Variants in GALNT13 observed in about 807,000 individuals in gnomAD.
The protein encoded by GALNT13 is UDP-GalNAc:polypeptide N-acetylgalactosaminyltransferase 13.
GALNT13 carries 28 observed loss-of-function variants against 64.2 expected under a neutral mutation model. The observed-to-expected ratio is 0.44, with a 90% CI of 0.32 to 0.60. The LOEUF (loss-of-function observed/expected upper bound fraction) is 0.60, where lower values mean the gene tolerates loss of function less well. Ranked by LOEUF, GALNT13 falls within the 20% of genes least tolerant of loss-of-function variation. The pLI, the probability that GALNT13 is intolerant of heterozygous loss-of-function variation, is 0.05. For missense variants in GALNT13, 577 were observed against 669.8 expected, an observed-to-expected ratio of 0.86 and a Z score of 1.53; for synonymous variants, 214 against 224.6, an observed-to-expected ratio of 0.95 and a Z score of 0.42.
chr2:153,442,395 G>T, the GALNT13 span, among the ~76,000 whole-genome samples: 25 of 152,140 alleles, frequency 1.6e-4, no homozygotes, highest in Non-Finnish European at 3.4e-4. Context: ...AGGGATATTT[G>T]CCTGAAATTT....
At chr2:153,935,206 A>C (rs926701835) in intron 2 of GALNT13, among the ~76,000 whole-genome samples, 1 of 152,198 alleles carries the variant, frequency 6.6e-6, no homozygotes, top group Non-Finnish European at 1.5e-5. Context: ...AAACTGTGGT[A>C]GTCTAAGAAC....
chr2:153,490,129 G>A, the GALNT13 span, among the ~76,000 whole-genome samples: 4 of 152,266 alleles, frequency 2.6e-5, 1 homozygote, highest in African/African-American at 7.2e-5. Context: ...GTGTCCTGGC[G>A]TGTGGAATTC....
At chr2:153,621,865 A>T in the GALNT13 span, among the ~76,000 whole-genome samples, 1 of 152,112 alleles carries the variant, frequency 6.6e-6, no homozygotes. Context: ...GGCTGAGGGA[A>T]GGTCTAGAAA....
chr2:153,278,605 A>G, the GALNT13 span, among the ~76,000 whole-genome samples: 1 of 152,052 alleles, frequency 6.6e-6, no homozygotes, highest in Non-Finnish European at 1.5e-5. Context: ...CATTTATTGA[A>G]TAGGGATTCT....
At chr2:154,307,658 G>A (rs1404041722) in intron 9 of GALNT13, among the ~76,000 whole-genome samples, 2 of 151,856 alleles carry the variant, frequency 1.3e-5, no homozygotes, top group Non-Finnish European at 2.9e-5. Flanking sequence ...TCTTCTTAAG[G>A]ATGCAAATAC....
chr2:153,712,175 A>G, the GALNT13 span, among the ~76,000 whole-genome samples: 1 of 152,152 alleles, frequency 6.6e-6, no homozygotes, highest in Admixed American at 6.5e-5. Flanking sequence ...TATACTTCCG[A>G]TCCTTTTTAG....
chr2:154,298,657 C>CAATGTATATATT (rs1559075870), intron 8 of GALNT13, among the ~76,000 whole-genome samples: 1 of 8,818 alleles, frequency 1.1e-4, no homozygotes, highest in African/African-American at 4.2e-4. Flanking sequence ...ATTGTATATA[C>CAATGTATATATT]AATTTATATA....
At chr2:153,917,028 TAC>T (rs1391641914) in intron 2 of GALNT13, among the ~76,000 whole-genome samples, 2 of 152,214 alleles carry the variant, frequency 1.3e-5, no homozygotes, top group Non-Finnish European at 2.9e-5. Flanking sequence ...AAAGAAATTA[TAC>T]ACCTCTGGGC....
intron 3 of GALNT13, among the ~76,000 whole-genome samples, chr2:153,971,208 T>C (rs561961042): frequency 2.6e-4 from 39 of 152,276 alleles, no homozygotes; most frequent in Admixed American, 3.9e-4. Context: ...ATCTCAAATG[T>C]CAGTGACTCA....
intron 1 of GALNT13, among the ~76,000 whole-genome samples, chr2:153,899,962 G>A (rs1399254384): frequency 1.6e-5 from 2 of 126,004 alleles, no homozygotes; most frequent in South Asian, 4.9e-4. Context: ...TTGAGATGGA[G>A]TCTCATTCTG....
chr2:154,021,385 G>A (rs899076351), intron 3 of GALNT13, among the ~76,000 whole-genome samples: 4 of 152,070 alleles, frequency 2.6e-5, no homozygotes, highest in Non-Finnish European at 4.4e-5. Flanking sequence ...CTTGAGCAGT[G>A]GTTTGTAGTT....
intron 8 of GALNT13, among the ~76,000 whole-genome samples, chr2:154,280,325 T>A (rs1317902336): frequency 6.6e-6 from 1 of 152,180 alleles, no homozygotes; most frequent in Admixed American, 6.5e-5. Context: ...TATTATTCTT[T>A]TTCTATGCCC....
the GALNT13 span, among the ~76,000 whole-genome samples, chr2:153,329,080 C>T: frequency 1.3e-5 from 2 of 152,044 alleles, no homozygotes; most frequent in Non-Finnish European, 1.5e-5. Flanking sequence ...ACCTCTTGTG[C>T]TCCCTGGGTG....
the GALNT13 span, among the ~76,000 whole-genome samples, chr2:153,815,036 T>G: frequency 6.6e-6 from 1 of 152,186 alleles, no homozygotes; most frequent in Admixed American, 6.5e-5. Flanking sequence ...TAAGAGATAT[T>G]TAAATGCTAA....
intron 8 of GALNT13, among the ~76,000 whole-genome samples, chr2:154,296,572 A>G (rs535993437): frequency 3.0e-4 from 46 of 152,274 alleles, no homozygotes; most frequent in Non-Finnish European, 6.0e-4. Flanking sequence ...AAGTCGTGTC[A>G]TTTCTTCTGA....
chr2:153,671,287 A>G, the GALNT13 span, among the ~76,000 whole-genome samples: 1 of 152,196 alleles, frequency 6.6e-6, no homozygotes, highest in Admixed American at 6.5e-5. Context: ...AAAAATGTTA[A>G]GTGCAGCCAG....
At chr2:154,019,944 A>G (rs577955634) in intron 3 of GALNT13, among the ~76,000 whole-genome samples, 3 of 151,386 alleles carry the variant, frequency 2.0e-5, no homozygotes, top group Admixed American at 1.3e-4. Context: ...GAGTGAGAAC[A>G]TGTGGTGTTT....
At chr2:153,813,789 T>C in the GALNT13 span, among the ~76,000 whole-genome samples, 1 of 152,222 alleles carries the variant, frequency 6.6e-6, no homozygotes, top group Admixed American at 6.5e-5. Flanking sequence ...ATCATGACTT[T>C]AACAACTATA....
At chr2:153,152,129 A>G in the GALNT13 span, among the ~76,000 whole-genome samples, 2 of 151,972 alleles carry the variant, frequency 1.3e-5, no homozygotes, top group Non-Finnish European at 2.9e-5. Flanking sequence ...CCTTTGCTAC[A>G]TATTCTGAAG....
Sources: allele counts gnomAD v4.1 joint callset (sites outside exome capture counted in the v4.1 genomes callset), GRCh38; gene constraint gnomAD v4.1.1; transcripts MANE v1.5; gene names NCBI Gene and HGNC (gene_info 2026-07-23, HGNC 2026-07-21).